PIK3R4: variants seen among roughly 807,000 people sequenced by gnomAD.
PIK3R4 encodes the protein phosphoinositide 3-kinase regulatory subunit 4.
In PIK3R4, 46 loss-of-function variants were observed where a neutral mutation model predicts 136.5. The observed-to-expected ratio is 0.34, with a 90% confidence interval of 0.27 to 0.43. The LOEUF (loss-of-function observed/expected upper bound fraction) is 0.43, where lower values mean the gene tolerates loss of function less well. Among genes scored for constraint, PIK3R4 ranks in the 20% least tolerant of loss-of-function variants. PIK3R4 has a pLI of 1.00. For synonymous variants in PIK3R4, 557 were observed against 566.7 expected, an observed-to-expected ratio of 0.98 and a Z score of 0.24; for missense variants, 1,331 against 1,649.5, an observed-to-expected ratio of 0.81 and a Z score of 3.35.
chr3:130,732,985 T>A (rs2066766798), intron 4 of PIK3R4, among the ~76,000 whole-genome samples: 1 of 152,094 alleles, frequency 6.6e-6, no homozygotes, highest in Non-Finnish European at 1.5e-5. Context: ...GAAACAAGAA[T>A]CTGTATCACC....
chr3:130,698,797 CTATT>C (rs1473946701), intron 13 of PIK3R4, among the ~76,000 whole-genome samples: 2 of 152,140 alleles, frequency 1.3e-5, no homozygotes, highest in Non-Finnish European at 2.9e-5. Flanking sequence ...CAAAGTGTTG[CTATT>C]TGTTTAATGA....
chr3:130,707,237 A>G (rs1210689613), intron 10 of PIK3R4, 102 bp from the exon 11 acceptor site: 5 of 615,384 alleles, frequency 8.1e-6, no homozygotes, highest in Non-Finnish European at 1.1e-5. Flanking sequence ...CAGGGATAGC[A>G]ATACACTTCA....
At chr3:130,713,865 C>T (rs2066645987) in intron 9 of PIK3R4, among the ~76,000 whole-genome samples, 1 of 152,066 alleles carries the variant, frequency 6.6e-6, no homozygotes. Flanking sequence ...GTAGAGACAG[C>T]GTTTCACCAT....
chr3:130,738,628 C>T (rs1472266490), intron 2 of PIK3R4, among the ~76,000 whole-genome samples: 3 of 151,132 alleles, frequency 2.0e-5, no homozygotes, highest in African/African-American at 7.3e-5. Context: ...TCCTTAATGG[C>T]TGGTTTGAGC....
In PIK3R4 at chr3:130,730,326, T is replaced by G; in HGVS notation, c.1567A>C (p.Asn523His). 6.3e-7 allele frequency: 1 copy of G among 1,591,348 alleles called. No individual in the cohort carries two copies. The highest frequency in any genetic ancestry group is 1.2e-5 in the South Asian group (1 of 86,186). The change falls in exon 5 of 20, where the codon AAT (asparagine) becomes CAT (histidine). Residue 523 changes from asparagine (N) to histidine (H), a missense_variant. Physicochemically the swap from Asn to His is moderately conservative, Grantham distance 68 (BLOSUM62 1). Coordinates refer to ENST00000356763, the MANE Select transcript of PIK3R4 (RefSeq NM_014602.3). ...ATACAACCTGTGTCATAATTTCCATTTGGATGTGTAACCTCATCTATTTCT... is the reference window on the plus strand; with the variant it reads ...ATACAACCTGTGTCATAATTTCCATGTGGATGTGTAACCTCATCTATTTCT... ...NEEIDEVTHP[N>H]GNYDTELQAL... is the part of the protein sequence containing the mutation.
Position 130,705,569 on chromosome 3 carries a change from G to A in PIK3R4, c.2924C>T (p.Pro975Leu), listed in dbSNP as rs1330185240. ...ATCAACGGAACTTTTACCAGGTGGTGGTGGTTTACTCTCCCATTCAGCATT... is the reference window on the plus strand; with the variant it reads ...ATCAACGGAACTTTTACCAGGTGGTAGTGGTTTACTCTCCCATTCAGCATT... ...MENAEWESKP[P>L]PPGWRPKGLL... Residue 975 changes from proline (P) to leucine (L), a missense_variant, in exon 12 of 20, where the codon CCA (proline) becomes CTA (leucine). By Grantham distance (98) the Pro-to-Leu change is moderately conservative (BLOSUM62 -3). Transcript: ENST00000356763. The A allele has an allele frequency of 1.2e-6, 2 of 1,606,872 alleles. No homozygotes were observed. The highest frequency in any genetic ancestry group is 1.7e-6 in the Non-Finnish European group (2 of 1,173,662).
chr3:130,694,432 G>T (rs2066535775), intron 13 of PIK3R4, among the ~76,000 whole-genome samples: 2 of 151,872 alleles, frequency 1.3e-5, no homozygotes, highest in Admixed American at 1.3e-4. Flanking sequence ...CTATTCATTT[G>T]AGTCTTCTTT....
At chr3:130,685,086 C>T (rs2066481988) in intron 15 of PIK3R4, among the ~76,000 whole-genome samples, 1 of 152,066 alleles carries the variant, frequency 6.6e-6, no homozygotes, top group Admixed American at 6.6e-5. Context: ...GGTAGTTTCT[C>T]AAGCGGCAGG....
At position 130,735,859 on chromosome 3, in the gene PIK3R4, G is replaced by A. The variant is rs199839079; in HGVS notation, c.867+10C>T. The A allele has an allele frequency of 2.1e-5, 34 of 1,601,472 alleles. No homozygotes were observed. Among genetic ancestry groups the A allele is most frequent in the Admixed American group, 1.9e-4 (11 of 57,824 alleles). On this transcript the variant is annotated intron_variant, in intron 3 of 19. Transcript: ENST00000356763. ...AAAAACTTTATGGCGAATATTTGTA[G>A]CATAGTTACCAATTCTCTGATACTG...
intron 9 of PIK3R4, among the ~76,000 whole-genome samples, chr3:130,715,053 C>T (rs2066655576): frequency 6.6e-6 from 1 of 151,826 alleles, no homozygotes; most frequent in Non-Finnish European, 1.5e-5. Context: ...AACTAATTTA[C>T]ACTCCCACTG....
chr3:130,694,353 T>C (rs577798261), intron 13 of PIK3R4, among the ~76,000 whole-genome samples: 1 of 152,176 alleles, frequency 6.6e-6, no homozygotes, highest in Non-Finnish European at 1.5e-5. Flanking sequence ...TGGCATCGCA[T>C]CTGTACATCG....
In PIK3R4 at chr3:130,744,769, C is replaced by T. The variant is rs564555017; in HGVS notation, c.450G>A (p.Lys150=). 3 of 1,614,246 alleles carry T rather than the reference C, an allele frequency of 1.9e-6. No individual in the cohort carries two copies. Among genetic ancestry groups the T allele is most frequent in the African/African-American group, 1.3e-5 (1 of 75,074 alleles). Residue 150 remains lysine (K), a synonymous_variant, in exon 2 of 20, where the codon AAG becomes AAA. Transcript: ENST00000356763. The part of the protein sequence containing the change: ...HKSGVRHGDI[K]TENVMVTSWN... ...AACTGGTGACCATCACATTCTCAGT[C>T]TTGATGTCCCCATGACGAACTCCAG...
At chr3:130,731,163 T>C (rs184984667) in intron 4 of PIK3R4, among the ~76,000 whole-genome samples, 59 of 152,346 alleles carry the variant, frequency 3.9e-4, no homozygotes, top group Admixed American at 7.2e-4. Flanking sequence ...TCACTTACAC[T>C]TTCTTCTCCT....
chr3:130,741,481 C>G (rs1432360066), intron 2 of PIK3R4, among the ~76,000 whole-genome samples: 1 of 152,136 alleles, frequency 6.6e-6, no homozygotes, highest in African/African-American at 2.4e-5. Flanking sequence ...TTTCTCAAAA[C>G]TTTTACGATT....
chr3:130,708,034 G>A (rs2066614695), intron 10 of PIK3R4, among the ~76,000 whole-genome samples: 2 of 152,150 alleles, frequency 1.3e-5, no homozygotes, highest in Admixed American at 6.5e-5. Flanking sequence ...TGATTTTACT[G>A]TAAAAGTAGA....
intron 12 of PIK3R4, among the ~76,000 whole-genome samples, chr3:130,704,270 T>C (rs1480143689): frequency 6.6e-6 from 1 of 152,216 alleles, no homozygotes; most frequent in Non-Finnish European, 1.5e-5. Flanking sequence ...CTAAGTATAA[T>C]ACACCACTTA....
intron 8 of PIK3R4, among the ~76,000 whole-genome samples, chr3:130,716,936 T>C (rs1484280740): frequency 6.6e-6 from 1 of 152,200 alleles, no homozygotes; most frequent in Non-Finnish European, 1.5e-5. Flanking sequence ...TTCACAGGTC[T>C]GACAACCAGC....
chr3:130,705,901 C>G, intron 11 of PIK3R4, 130 bp from the exon 12 acceptor site: 2 of 519,760 alleles, frequency 3.8e-6, no homozygotes. Flanking sequence ...ATTTTAAAAT[C>G]GATATAATTA....
At chr3:130,736,288 G>C (rs911667398) in intron 2 of PIK3R4, among the ~76,000 whole-genome samples, 1 of 152,130 alleles carries the variant, frequency 6.6e-6, no homozygotes, top group African/African-American at 2.4e-5. Context: ...GAATGTATAG[G>C]CCAGATGTGG....
Sources: allele counts gnomAD v4.1 joint callset (sites outside exome capture counted in the v4.1 genomes callset), GRCh38; gene constraint gnomAD v4.1.1; transcripts MANE v1.5; gene names NCBI Gene and HGNC (gene_info 2026-07-23, HGNC 2026-07-21).